RERE: variants seen among roughly 807,000 people sequenced by gnomAD.
RERE encodes arginine-glutamic acid dipeptide repeats, also known as arginine-glutamic acid dipeptide repeats protein.
A neutral mutation model predicts 146.1 loss-of-function variants in RERE; 40 were observed. The ratio of observed to expected loss-of-function variants is 0.27; its 90% CI spans 0.21 to 0.36. RERE has a LOEUF of 0.36. Ranked by LOEUF, RERE falls within the 10% of genes least tolerant of loss-of-function variation. The pLI, the probability that RERE is intolerant of heterozygous loss-of-function variation, is 1.00. For synonymous variants in RERE, 1,003 were observed against 866.0 expected, an observed-to-expected ratio of 1.16 and a Z score of -2.78; for missense variants, 1,933 against 2,138.7, an observed-to-expected ratio of 0.90 and a Z score of 1.90.
chr1:8,659,200 G>A (rs1327007529), intron 1 of RERE, among the ~76,000 whole-genome samples: 1 of 152,204 alleles, frequency 6.6e-6, no homozygotes. Flanking sequence ...TGAAAATACA[G>A]AGACCTACTA....
At chr1:8,521,765 T>C (rs1414875930) in intron 7 of RERE, among the ~76,000 whole-genome samples, 1 of 152,214 alleles carries the variant, frequency 6.6e-6, no homozygotes, top group Non-Finnish European at 1.5e-5. Flanking sequence ...CCACACTACC[T>C]GGCTCCAAAT....
At chr1:8,805,580 C>T (rs61784176) in intron 1 of RERE, among the ~76,000 whole-genome samples, 33,388 of 148,858 alleles carry the variant, frequency 0.22, 5,287 homozygotes, top group East Asian at 0.77. Flanking sequence ...ATCCCGGAGG[C>T]GGAGGTTGCA....
intron 4 of RERE, among the ~76,000 whole-genome samples, chr1:8,609,251 C>T (rs1646761142): frequency 6.6e-6 from 1 of 151,524 alleles, no homozygotes; most frequent in Admixed American, 6.6e-5. Context: ...AATTAACTGA[C>T]AATTAGCTTT....
chr1:8,777,533 CTTTTTTT>C (rs752250797), intron 1 of RERE, among the ~76,000 whole-genome samples: 2 of 137,696 alleles, frequency 1.5e-5, no homozygotes, highest in African/African-American at 5.3e-5. Context: ...AAGTGTCATA[CTTTTTTT>C]TTTTTTTTTT....
At chr1:8,785,213 A>C (rs763800975) in intron 1 of RERE, among the ~76,000 whole-genome samples, 13 of 152,374 alleles carry the variant, frequency 8.5e-5, no homozygotes, top group Middle Eastern at 3.4e-3. Flanking sequence ...CATAAAGCGT[A>C]ACAATGAAAG....
intron 11 of RERE, chr1:8,429,772 T>C (rs1644068907): frequency 6.5e-6 from 1 of 152,678 alleles, no homozygotes; most frequent in African/African-American, 2.4e-5. Context: ...TGGCTCCTTC[T>C]GTTTTACCCT....
chr1:8,532,602 A>AT lies in RERE; in HGVS notation c.830+8611dup, dbSNP rs534220881. 1.9e-4 allele frequency among the ~76,000 whole-genome samples: 29 copies of AT among 149,722 alleles called. No homozygotes were observed. The South Asian group carries it at 3.4e-3, about 18-fold the overall frequency. ...TGCCTAGCTAATATTATTATTTTTA[A>AT]TTTTTTTTTGAGACAGAATTTTGCT... On this transcript the variant is annotated intron_variant, in intron 7 of 22. Transcript: ENST00000400908.
rs1641216583 is a variant in RERE, at chr1:8,354,597, G to C, written c.*490C>G. 6.6e-6 allele frequency: 1 copy of C among 152,024 alleles called. No individual in the cohort carries two copies. Among genetic ancestry groups the C allele is most frequent in the Non-Finnish European group, 1.5e-5 (1 of 68,256 alleles). 9.4% of individuals were successfully genotyped at this position (152,024 alleles called of 1,614,324 possible). ...CTGCAGAACTTTCTCCAATTATGAAGATTTCCTACAATGTATTAAAATAAA... is the reference window on the plus strand; with the variant it reads ...CTGCAGAACTTTCTCCAATTATGAACATTTCCTACAATGTATTAAAATAAA... On this transcript the variant is annotated 3_prime_UTR_variant, in exon 23 of 23. Coordinates refer to ENST00000400908, the MANE Select transcript of RERE (RefSeq NM_001042681.2).
chr1:8,702,676 T>C (rs1449813935), intron 1 of RERE, among the ~76,000 whole-genome samples: 2 of 152,184 alleles, frequency 1.3e-5, no homozygotes, highest in African/African-American at 4.8e-5. Context: ...AAGAGCGACT[T>C]CTGCATTATA....
intron 11 of RERE, among the ~76,000 whole-genome samples, chr1:8,464,566 C>T (rs892946531): frequency 2.0e-5 from 3 of 152,192 alleles, no homozygotes; most frequent in Non-Finnish European, 4.4e-5. Flanking sequence ...ACAGGTCACA[C>T]CTGATCTGCT....
At chr1:8,589,275 A>T (rs1323134912) in intron 4 of RERE, among the ~76,000 whole-genome samples, 2 of 152,108 alleles carry the variant, frequency 1.3e-5, no homozygotes, top group African/African-American at 2.4e-5. Context: ...CCTGGTCTCT[A>T]CTAAAAATAA....
chr1:8,484,465 G>A (rs879542512), intron 10 of RERE, among the ~76,000 whole-genome samples: 16 of 145,602 alleles, frequency 1.1e-4, no homozygotes, highest in Non-Finnish European at 7.5e-5. Context: ...TCGCTCTGTC[G>A]CCCAGGCTGG....
intron 1 of RERE, among the ~76,000 whole-genome samples, chr1:8,754,358 C>T (rs1057236642): frequency 6.6e-6 from 1 of 152,104 alleles, no homozygotes; most frequent in Admixed American, 6.6e-5. Context: ...TCAGGCAATT[C>T]TGCAGTCTGG....
chr1:8,470,812 C>CTT (rs1486056669), intron 10 of RERE, among the ~76,000 whole-genome samples: 11 of 56,912 alleles, frequency 1.9e-4, no homozygotes, highest in South Asian at 6.8e-4. Context: ...TAAAGAAATA[C>CTT]CTTTTTTTTT....
intron 12 of RERE, among the ~76,000 whole-genome samples, chr1:8,370,080 G>A (rs1173318813): frequency 6.6e-6 from 1 of 151,976 alleles, no homozygotes; most frequent in Non-Finnish European, 1.5e-5. Context: ...GTGAGCCACC[G>A]TGCCCAGCCA....
chr1:8,556,772 A>G (rs1646012635), intron 5 of RERE, among the ~76,000 whole-genome samples: 1 of 152,212 alleles, frequency 6.6e-6, no homozygotes, highest in African/African-American at 2.4e-5. Flanking sequence ...TCAACAAAGT[A>G]TCTTCTTGGC....
intron 4 of RERE, among the ~76,000 whole-genome samples, chr1:8,612,277 T>C (rs1048772056): frequency 8.5e-5 from 13 of 152,192 alleles, no homozygotes; most frequent in Non-Finnish European, 1.5e-5. Context: ...CATTACACTG[T>C]ATTAGATCTG....
chr1:8,526,160 A>C (rs539223200), intron 7 of RERE: 57 of 754,596 alleles, frequency 7.6e-5, no homozygotes, highest in Non-Finnish European at 8.2e-5. Flanking sequence ...AGCCAACAGC[A>C]GGGAACTGAG....
At chr1:8,547,850 C>T (rs1343072022) in intron 6 of RERE, among the ~76,000 whole-genome samples, 1 of 152,156 alleles carries the variant, frequency 6.6e-6, no homozygotes, top group African/African-American at 2.4e-5. Flanking sequence ...CCAGCAATCC[C>T]ACTATTATAA....
Sources: allele counts gnomAD v4.1 joint callset (sites outside exome capture counted in the v4.1 genomes callset), GRCh38; gene constraint gnomAD v4.1.1; transcripts MANE v1.5; gene names NCBI Gene and HGNC (gene_info 2026-07-23, HGNC 2026-07-21).